SSRP1: variants seen among roughly 807,000 people sequenced by gnomAD.
SSRP1 encodes FACT complex subunit SSRP1.
SSRP1 carries 21 observed loss-of-function variants against 84.4 expected under a neutral mutation model. That is an observed-to-expected ratio of 0.25 (90% confidence interval 0.18 to 0.36). SSRP1 has a LOEUF of 0.36. SSRP1 is among the 10% of genes least tolerant of loss of function. SSRP1 has a pLI of 1.00. For synonymous variants in SSRP1, 319 were observed against 318.3 expected, an observed-to-expected ratio of 1.00 and a Z score of -0.02; for missense variants, 519 against 900.8, an observed-to-expected ratio of 0.58 and a Z score of 5.43.
intron 15 of SSRP1, 121 bp from the exon 16 acceptor site, chr11:57,327,010 C>T (rs775128419): frequency 4.7e-5 from 68 of 1,436,344 alleles, no homozygotes; most frequent in Non-Finnish European, 5.9e-5. Context: ...TCACTCTGAA[C>T]GTAAATAGCT....
rs541678166 is a variant in SSRP1, at chr11:57,333,637, C to G, written c.241-97G>C. On this transcript the variant is annotated intron_variant, in intron 3 of 16. Coordinates refer to ENST00000278412, the MANE Select transcript of SSRP1 (RefSeq NM_003146.3). ...GATTATCTATTTCTGAGAAACTGCC[C>G]CAAATAGGCTTTATAAGAAATCCAT... The G allele has an allele frequency of 8.0e-4, 687 of 857,274 alleles. 1 individual carries two copies. The highest frequency in any genetic ancestry group is 7.6e-4 in the Non-Finnish European group (398 of 520,948). 53.1% of individuals were successfully genotyped at this position (857,274 alleles called of 1,614,324 possible).
In SSRP1 at chr11:57,333,129, T is replaced by C. The variant is rs1335943286; in HGVS notation, c.367A>G (p.Ile123Val). ...ATCTCAAAGACTGGCTGGTCACCAA[T>C]GTCAAAGGAAAGCAGCTGCCCTGTG... Reference protein sequence around the residue: ...KFGGQLLSFDIGDQPVFEIPL... With the variant: ...KFGGQLLSFDVGDQPVFEIPL... The change falls in exon 5 of 17, where the codon ATT becomes GTT. Residue 123 changes from isoleucine (I) to valine (V), a missense_variant. Transcript: ENST00000278412. 3.1e-6 allele frequency: 5 copies of C among 1,611,160 alleles called. No individual in the cohort carries two copies. The highest frequency in any genetic ancestry group is 2.5e-6 in the Non-Finnish European group (3 of 1,177,870).
Position 57,326,373 on chromosome 11 carries a change from A to G in SSRP1, c.*34T>C, listed in dbSNP as rs745632305. 4 of 1,609,032 alleles carry G rather than the reference A, an allele frequency of 2.5e-6. No individual in the cohort carries two copies. The highest frequency in any genetic ancestry group is 2.6e-6 in the Non-Finnish European group (3 of 1,175,830). On this transcript the variant is annotated 3_prime_UTR_variant, in exon 17 of 17. Transcript: ENST00000278412. ...TATGGGTGGGGAGTCGGGGGGTGTGAGAAGGCAAGCGCAAAGAGAACCTTC... is the reference window on the plus strand; with the variant it reads ...TATGGGTGGGGAGTCGGGGGGTGTGGGAAGGCAAGCGCAAAGAGAACCTTC...
chr11:57,330,936 G>A lies in SSRP1; in HGVS notation c.1224-9C>T. The A allele has an allele frequency of 6.2e-7, 1 of 1,614,038 alleles. No homozygotes were observed. The highest frequency in any genetic ancestry group is 8.5e-7 in the Non-Finnish European group (1 of 1,179,916). ...GTTTCCCGTACTCCTCCCTGTGAGG[G>A]GACATGCACCATGTTACCAGAGAGG... On this transcript the variant is annotated splice_polypyrimidine_tract_variant and intron_variant, in intron 9 of 16. Coordinates refer to ENST00000278412, the MANE Select transcript of SSRP1 (RefSeq NM_003146.3). This position sits in a 1 kb window ranked among gnomAD's most constrained non-coding sequence, Gnocchi z 4.0.
chr11:57,325,996 G>A lies in SSRP1; in HGVS notation c.*411C>T, dbSNP rs961658142. ...AAAGCATGAGGACATGGTTTCCAAA[G>A]TCAGTTCCCTTTATTAAATCATTTT... On this transcript the variant is annotated 3_prime_UTR_variant, in exon 17 of 17. Coordinates refer to ENST00000278412, the MANE Select transcript of SSRP1 (RefSeq NM_003146.3). 3 of 188,610 alleles carry A rather than the reference G, an allele frequency of 1.6e-5. No homozygotes were observed. Among genetic ancestry groups the A allele is most frequent in the Non-Finnish European group, 3.4e-5 (3 of 89,104 alleles). 11.7% of individuals were successfully genotyped at this position (188,610 alleles called of 1,614,324 possible).
At position 57,330,106 on chromosome 11, in the gene SSRP1, C is replaced by A; in HGVS notation, c.1468G>T (p.Asp490Tyr). Residue 490 changes from aspartate to tyrosine, a missense_variant, in exon 12 of 17, where the codon GAT becomes TAT. Around this residue, in one of 7 missense-constraint regions of SSRP1, gnomAD observed 24 missense variants for 68.2 expected, o/e 0.35. Transcript: ENST00000278412. This position sits in a 1 kb window ranked among gnomAD's most constrained non-coding sequence, Gnocchi z 4.0. ...ESFNPGEEEEDVAEEFDSNAS... is the reference protein window; with the variant it reads ...ESFNPGEEEEYVAEEFDSNAS... Reference sequence around the variant, plus strand: ...ACCAAAACTCACTCCTCTGCCACATCTTCCTCCTCTTCACCTGGGTTGAAT... The same window carrying A: ...ACCAAAACTCACTCCTCTGCCACATATTCCTCCTCTTCACCTGGGTTGAAT... 2.5e-6 allele frequency: 4 copies of A among 1,614,218 alleles called. No homozygotes were observed. Among genetic ancestry groups the A allele is most frequent in the Non-Finnish European group, 3.4e-6 (4 of 1,180,046 alleles).
chr11:57,329,850 A>G (rs907299735), intron 12 of SSRP1: 7 of 588,080 alleles, frequency 1.2e-5, no homozygotes, highest in South Asian at 2.1e-5. Flanking sequence ...ACCAGCCCCA[A>G]CTGGCACATT....
intron 2 of SSRP1, 68 bp downstream of exon 2, chr11:57,335,000 A>G (rs569945272): frequency 3.2e-6 from 5 of 1,576,928 alleles, no homozygotes; most frequent in Non-Finnish European, 4.4e-6. Flanking sequence ...GCAAGCTCTC[A>G]TTAATGGACA....
intron 15 of SSRP1, 70 bp downstream of exon 15, chr11:57,327,356 A>T: frequency 6.8e-7 from 1 of 1,479,998 alleles, no homozygotes; most frequent in Non-Finnish European, 9.4e-7. Flanking sequence ...CCAATGCTCA[A>T]CTTCGGCCTG....
Position 57,334,622 on chromosome 11 carries a change from A to G in SSRP1, c.81T>C (p.Arg27=), listed in dbSNP as rs2230649. The part of the protein sequence containing the change: ...SMNDGRLRLS[R]QGIIFKNSKT... ...TGCTATTCTTGAAGATGATGCCCTG[A>G]CGGCTCAACCTCAGTCGACCATCAT... The change falls in exon 3 of 17, where the codon CGT becomes CGC. Residue 27 remains arginine (R), a synonymous_variant. Transcript: ENST00000278412. The G allele has an allele frequency of 0.16, 258,085 of 1,613,916 alleles. 23,360 individuals are homozygous for G. The highest frequency in any genetic ancestry group is 0.36 in the African/African-American group (27,109 of 74,938).
At position 57,326,310 on chromosome 11, in the gene SSRP1, C is replaced by CA; in HGVS notation, c.*96dup. ...GAGCATGTTCAGATGGCACAGAATC[C>CA]AGGGACTGCATTTCATGAGGAGAAA... On this transcript the variant is annotated 3_prime_UTR_variant, in exon 17 of 17. Coordinates refer to ENST00000278412, the MANE Select transcript of SSRP1 (RefSeq NM_003146.3). 8.5e-7 allele frequency: 1 copy of CA among 1,181,782 alleles called. No homozygotes were observed. Among genetic ancestry groups the CA allele is most frequent in the South Asian group, 1.2e-5 (1 of 80,134 alleles). The allele number at this position is 1,181,782 out of a possible 1,614,324, so 73.2% of individuals were successfully genotyped here.
At chr11:57,328,263 A>G in intron 13 of SSRP1, 34 bp downstream of exon 13, 1 of 1,611,384 alleles carries the variant, frequency 6.2e-7, no homozygotes, top group East Asian at 2.2e-5. Flanking sequence ...CACCCACTGC[A>G]CCACACACAG....
Position 57,331,886 on chromosome 11 carries a change from G to A in SSRP1, c.1005C>T (p.His335=). Residue 335 remains histidine (H), a synonymous_variant, in exon 9 of 17, where the codon CAC becomes CAT. Transcript: ENST00000278412. ...KITVPGNFQG[H]SGAQCITCSY... The stretch of plus-strand genomic sequence containing the variant: ...AACAGGTAATGCACTGGGCCCCTGA[G>A]TGCCTGACAGAGGGTGCAGGGAGCC... 3 of 1,611,034 alleles carry A rather than the reference G, an allele frequency of 1.9e-6. No homozygotes were observed. The highest frequency in any genetic ancestry group is 2.2e-5 in the South Asian group (2 of 90,696).
chr11:57,332,427 G>A lies in SSRP1; in HGVS notation c.828C>T (p.Leu276=), dbSNP rs1856112185. 1 of 1,614,182 alleles carries A rather than the reference G, an allele frequency of 6.2e-7. No homozygotes were observed. Among genetic ancestry groups the A allele is most frequent in the Non-Finnish European group, 8.5e-7 (1 of 1,180,032 alleles). The change falls in exon 7 of 17, where the codon CTC becomes CTT. Residue 276 remains leucine (L), a synonymous_variant. Coordinates refer to ENST00000278412, the MANE Select transcript of SSRP1 (RefSeq NM_003146.3). This position sits in a 1 kb window ranked among gnomAD's most constrained non-coding sequence, Gnocchi z 5.5. ...ACGAAATGTCCTCGTCCTTGGAGAA[G>A]AGGAGGATCAGGAAGTGGTAGCGAG... is the stretch of plus-strand genomic sequence containing the variant. ...GQTRYHFLIL[L]FSKDEDISLT...
chr11:57,333,099 G>T lies in SSRP1; in HGVS notation c.397C>A (p.Leu133Ile). The change falls in exon 5 of 17, where the codon CTC (leucine) becomes ATC (isoleucine). Residue 133 changes from leucine to isoleucine, a missense_variant. Physicochemically the swap from Leu to Ile is conservative, Grantham distance 5. This residue lies in a region of SSRP1 where 159 missense variants were observed against 359.0 expected (regional missense o/e 0.44). Transcript: ENST00000278412. ...IGDQPVFEIP[L>I]SNVSQCTTGK... Reference sequence around the variant, plus strand: ...GTGGTGCACTGGGACACATTGCTGAGGGGTATCTCAAAGACTGGCTGGTCA... The same window carrying T: ...GTGGTGCACTGGGACACATTGCTGATGGGTATCTCAAAGACTGGCTGGTCA... The T allele has an allele frequency of 6.2e-7, 1 of 1,614,048 alleles. No homozygotes were observed. The highest frequency in any genetic ancestry group is 8.5e-7 in the Non-Finnish European group (1 of 1,179,966).
In SSRP1 at chr11:57,328,435, G is replaced by A; in HGVS notation, c.1482-9C>T. On this transcript the variant is annotated splice_polypyrimidine_tract_variant and intron_variant, in intron 12 of 16. Coordinates refer to ENST00000278412, the MANE Select transcript of SSRP1 (RefSeq NM_003146.3). ...AGGCGTTGCTGTCAAACCTGCCAGA[G>A]AACAAGCCAGGCTTAGACTTGAGGA... 2 of 1,613,974 alleles carry A rather than the reference G, an allele frequency of 1.2e-6. No individual in the cohort carries two copies. The highest frequency in any genetic ancestry group is 8.5e-7 in the Non-Finnish European group (1 of 1,179,970).
chr11:57,334,770 C>A, intron 2 of SSRP1, 122 bp from the exon 3 acceptor site: 1 of 1,197,148 alleles, frequency 8.4e-7, no homozygotes, highest in Non-Finnish European at 1.2e-6. Context: ...GCAGGAGCAA[C>A]AGCTGAGGGT....
chr11:57,326,933 T>A (rs202071181), intron 15 of SSRP1, 44 bp from the exon 16 acceptor site: 1 of 1,515,492 alleles, frequency 6.6e-7, no homozygotes, highest in East Asian at 2.4e-5. Context: ...TCAGGTCCCC[T>A]GTCACCATGA....
Position 57,332,366 on chromosome 11 carries a change from T to A in SSRP1, c.872+17A>T. ...TGCCTGGACAGTGGTAGGAAACGAG[T>A]CCAGGGAGACACTCACTCGTTCATG... On this transcript the variant is annotated intron_variant, in intron 7 of 16. Coordinates refer to ENST00000278412, the MANE Select transcript of SSRP1 (RefSeq NM_003146.3). This position sits in a 1 kb window ranked among gnomAD's most constrained non-coding sequence, Gnocchi z 5.5. The A allele has an allele frequency of 5.6e-6, 9 of 1,613,812 alleles. No homozygotes were observed. The highest frequency in any genetic ancestry group is 7.6e-6 in the Non-Finnish European group (9 of 1,179,908).
Sources: gnomAD v4.1 joint callset for allele counts on GRCh38, gnomAD v4.1.1 for gene constraint, gnomAD v4.1.1 regional missense constraint, Gnocchi (gnomAD v3.1) non-coding constraint, MANE v1.5 for transcripts, NCBI Gene and HGNC (gene_info 2026-07-23, HGNC 2026-07-21) for gene names.